ADK: variants seen among roughly 807,000 people sequenced by gnomAD.
The protein encoded by ADK is N6,N6-dimethyladenosine kinase.
In ADK, 24 loss-of-function variants were observed where a neutral mutation model predicts 44.7. The ratio of observed to expected loss-of-function variants is 0.54; its 90% CI spans 0.39 to 0.76. ADK has a LOEUF of 0.76. Ranked by LOEUF, ADK falls within the 30% of genes least tolerant of loss-of-function variation. The pLI is 0.00. For missense variants in ADK, 321 were observed against 425.1 expected (o/e 0.76, Z 2.15); for synonymous variants, 128 against 142.6 (o/e 0.90, Z 0.73).
chr10:74,627,254 T>G (rs1488195671), intron 9 of ADK, among the ~76,000 whole-genome samples: 1 of 152,004 alleles, frequency 6.6e-6, no homozygotes, highest in Admixed American at 6.6e-5. Flanking sequence ...GGCAGAAGGA[T>G]CCCTTGAGCT....
intron 1 of ADK, among the ~76,000 whole-genome samples, chr10:74,185,155 TCA>T (rs1476916995): frequency 6.6e-6 from 1 of 152,246 alleles, no homozygotes; most frequent in Non-Finnish European, 1.5e-5. Context: ...GTTAGTCATG[TCA>T]CACATGTGCC....
intron 9 of ADK, among the ~76,000 whole-genome samples, chr10:74,612,051 A>T (rs1257201065): frequency 6.6e-6 from 1 of 152,056 alleles, no homozygotes; most frequent in Non-Finnish European, 1.5e-5. Flanking sequence ...AAAGTTCCAA[A>T]CTGCTTTCCA....
chr10:74,267,752 ATTTGTGTG>A (rs1201912837), intron 3 of ADK, among the ~76,000 whole-genome samples: 5 of 62,774 alleles, frequency 8.0e-5, no homozygotes, highest in African/African-American at 2.5e-4. Context: ...TTATATCCTT[ATTTGTGTG>A]TGTGTGTGTG....
chr10:74,456,980 C>G (rs1453225816), intron 6 of ADK, among the ~76,000 whole-genome samples: 1 of 152,104 alleles, frequency 6.6e-6, no homozygotes, highest in African/African-American at 2.4e-5. Flanking sequence ...TAACTAAGAT[C>G]AGAGCAGAAG....
chr10:74,690,059 A>C (rs1328490567), intron 10 of ADK, among the ~76,000 whole-genome samples: 1 of 152,192 alleles, frequency 6.6e-6, no homozygotes, highest in Non-Finnish European at 1.5e-5. Context: ...TTTACAGTAG[A>C]TTCCCATTTG....
chr10:74,587,582 T>C (rs1260181111), intron 7 of ADK, among the ~76,000 whole-genome samples: 1 of 152,242 alleles, frequency 6.6e-6, no homozygotes, highest in Non-Finnish European at 1.5e-5. Context: ...GACTGTACTT[T>C]CTGCCTTACA....
At chr10:74,299,762 A>G (rs951714459) in intron 3 of ADK, among the ~76,000 whole-genome samples, 5 of 151,736 alleles carry the variant, frequency 3.3e-5, no homozygotes, top group African/African-American at 4.8e-5. Context: ...TCTATGATTT[A>G]TTATTTGAAT....
At position 74,499,557 on chromosome 10, in the gene ADK, G is replaced by A. The variant is rs564196185; in HGVS notation, c.556-25699G>A. Among the ~76,000 whole-genome samples, 39 of 152,118 alleles carry A rather than the reference G, an allele frequency of 2.6e-4. 1 individual carries two copies. The East Asian group carries it at 6.6e-3, about 26-fold the overall frequency. On this transcript the variant is annotated intron_variant, in intron 6 of 10. Transcript: ENST00000539909. Reference sequence around the variant, plus strand: ...CAAAAAATTAGCCAGGCGTGGTGGCGGGCGCCTGTAGTCCCAGCTGCTCAG... The same window carrying A: ...CAAAAAATTAGCCAGGCGTGGTGGCAGGCGCCTGTAGTCCCAGCTGCTCAG...
intron 8 of ADK, among the ~76,000 whole-genome samples, chr10:74,590,989 T>C (rs1431717692): frequency 6.6e-6 from 1 of 152,160 alleles, no homozygotes; most frequent in Non-Finnish European, 1.5e-5. Context: ...AATGTATTTT[T>C]GGTTCTATAA....
intron 6 of ADK, among the ~76,000 whole-genome samples, chr10:74,457,201 A>C (rs1426410225): frequency 2.0e-5 from 3 of 152,170 alleles, no homozygotes; most frequent in Non-Finnish European, 4.4e-5. Context: ...TACTATAGAC[A>C]CCTCTACGCA....
rs192330862 is a variant in ADK at position 74,707,856 on chromosome 10, C to T, written c.965-465C>T. Among the ~76,000 whole-genome samples, 10 of 151,624 alleles carry T rather than the reference C, an allele frequency of 6.6e-5. No individual in the cohort carries two copies. In the East Asian group the frequency reaches 1.7e-3, roughly 27 times the overall value. Reference sequence around the variant, plus strand: ...TTTAGAATAAATATTAGGGGAAGCTCATGATGTTTGGGAAAAGATCTCCCG... The same window carrying T: ...TTTAGAATAAATATTAGGGGAAGCTTATGATGTTTGGGAAAAGATCTCCCG... On this transcript the variant is annotated intron_variant, in intron 10 of 10. Transcript: ENST00000539909.
intron 9 of ADK, among the ~76,000 whole-genome samples, chr10:74,602,766 T>G (rs1478976435): frequency 6.6e-6 from 1 of 152,216 alleles, no homozygotes; most frequent in Non-Finnish European, 1.5e-5. Context: ...GCAAACATGA[T>G]AAATGTTAAT....
chr10:74,533,810 T>C (rs1009740176), intron 7 of ADK, among the ~76,000 whole-genome samples: 5 of 152,214 alleles, frequency 3.3e-5, no homozygotes, highest in African/African-American at 9.7e-5. Context: ...CATCTGTCCA[T>C]GTAAAGACAT....
intron 1 of ADK, among the ~76,000 whole-genome samples, chr10:74,180,251 A>AATTATTT (rs1176338739): frequency 6.8e-6 from 1 of 148,112 alleles, no homozygotes; most frequent in African/African-American, 2.5e-5. Context: ...ATTAATTATT[A>AATTATTT]TTTTGAGACA....
chr10:74,706,215 G>A (rs1260896998), intron 10 of ADK, among the ~76,000 whole-genome samples: 8 of 152,166 alleles, frequency 5.3e-5, no homozygotes, highest in Admixed American at 2.0e-4. Flanking sequence ...CCAGAAGGTC[G>A]AGGCTGCAGT....
intron 9 of ADK, among the ~76,000 whole-genome samples, chr10:74,651,179 A>C (rs1013707142): frequency 2.6e-5 from 4 of 152,176 alleles, no homozygotes; most frequent in Non-Finnish European, 4.4e-5. Flanking sequence ...ATGGTATTGG[A>C]TAACAAATAT....
intron 3 of ADK, among the ~76,000 whole-genome samples, chr10:74,296,602 ATTCTTTTTTTTTTTT>A (rs759436100): frequency 1.3e-5 from 2 of 150,146 alleles, no homozygotes; most frequent in South Asian, 2.1e-4. Flanking sequence ...AATTTTAAGT[ATTCTTTTTTTTTTTT>A]TTCTTTTTTT....
chr10:74,573,990 T>G (rs924939387), intron 7 of ADK, among the ~76,000 whole-genome samples: 2 of 152,176 alleles, frequency 1.3e-5, no homozygotes, highest in Non-Finnish European at 2.9e-5. Flanking sequence ...CTGCTTTGGC[T>G]CACGCACAGT....
chr10:74,181,410 A>G (rs1842554099), intron 1 of ADK, among the ~76,000 whole-genome samples: 1 of 152,214 alleles, frequency 6.6e-6, no homozygotes, highest in Non-Finnish European at 1.5e-5. Context: ...CTGAAACCAG[A>G]TATCCTTGGG....
Sources: gnomAD v4.1 joint callset for allele counts (sites outside exome capture counted in the v4.1 genomes callset) on GRCh38, gnomAD v4.1.1 for gene constraint, MANE v1.5 for transcripts, NCBI Gene and HGNC (gene_info 2026-07-23, HGNC 2026-07-21) for gene names.